Variants in VPS35L observed in about 807,000 individuals in gnomAD.
The protein encoded by VPS35L is VPS35 endosomal protein sorting factor like, also known as VPS35 endosomal protein-sorting factor-like.
In VPS35L, 83 loss-of-function variants were observed where a neutral mutation model predicts 133.0. The observed-to-expected ratio is 0.62, with a 90% CI of 0.52 to 0.75. The LOEUF (loss-of-function observed/expected upper bound fraction) is 0.75. Ranked by LOEUF, VPS35L falls within the 30% of genes least tolerant of loss-of-function variation. The pLI is 0.00. For missense variants in VPS35L, 1,083 were observed against 1,206.8 expected, an observed-to-expected ratio of 0.90 and a Z score of 1.52; for synonymous variants, 423 against 449.9, an observed-to-expected ratio of 0.94 and a Z score of 0.76.
chr16:19,667,313 C>T (rs1189917552), intron 26 of VPS35L, among the ~76,000 whole-genome samples: 2 of 152,050 alleles, frequency 1.3e-5, no homozygotes, highest in Non-Finnish European at 1.5e-5. Context: ...AGGCTCTGAC[C>T]CTTTCTGGAA....
At chr16:19,627,936 A>G in intron 16 of VPS35L, 131 bp downstream of exon 16, 2 of 713,338 alleles carry the variant, frequency 2.8e-6, no homozygotes, top group South Asian at 3.4e-5. Context: ...TTTCTGAGGA[A>G]CGCAATGGAA....
chr16:19,570,738 G>C (rs911329404), intron 3 of VPS35L, among the ~76,000 whole-genome samples: 5 of 150,854 alleles, frequency 3.3e-5, no homozygotes, highest in Admixed American at 1.3e-4. Context: ...CAGCCATGGA[G>C]GGATAGAGAT....
chr16:19,691,076 G>T (rs889719247), intron 28 of VPS35L, among the ~76,000 whole-genome samples: 10 of 152,192 alleles, frequency 6.6e-5, no homozygotes, highest in South Asian at 2.1e-4. Context: ...CTGTGATGAT[G>T]ATTATTATTA....
At chr16:19,609,851 C>T (rs779459106) in intron 11 of VPS35L, among the ~76,000 whole-genome samples, 5 of 152,108 alleles carry the variant, frequency 3.3e-5, no homozygotes, top group African/African-American at 9.7e-5. Flanking sequence ...GGAAGACATA[C>T]GTTGCAGGAG....
rs566973397 is a variant in VPS35L, at chr16:19,579,408, C to T, written c.510+280C>T. ...AACAGTGTCTAATGGTAAAAACCAA[C>T]TGCAAGGCCAGGCGCGGTGGCTCAC... On this transcript the variant is annotated intron_variant, in intron 6 of 30. Coordinates refer to ENST00000417362, the MANE Select transcript of VPS35L (RefSeq NM_020314.7). The T allele has an allele frequency of 9.5e-4, 301 of 316,462 alleles. 7 individuals carry two copies. The South Asian group carries it at 0.019, about 20-fold the overall frequency. 19.6% of individuals were successfully genotyped at this position (316,462 alleles called of 1,614,324 possible). A position where few individuals can be genotyped will look rare whatever the true frequency, so the allele number is the denominator to read the frequency against.
At chr16:19,636,150 T>C in intron 19 of VPS35L, among the ~76,000 whole-genome samples, 1 of 152,194 alleles carries the variant, frequency 6.6e-6, no homozygotes, top group South Asian at 2.1e-4. Context: ...CATGCCACAC[T>C]GCATGCCAGC....
intron 24 of VPS35L, 38 bp from the exon 25 acceptor site, chr16:19,650,344 T>A: frequency 6.6e-7 from 1 of 1,504,222 alleles, no homozygotes; most frequent in Non-Finnish European, 9.3e-7. Context: ...GAATCGGCCA[T>A]CGCTTCATTA....
intron 27 of VPS35L, 61 bp downstream of exon 27, chr16:19,669,360 A>G: frequency 1.3e-6 from 2 of 1,528,634 alleles, no homozygotes; most frequent in Admixed American, 1.9e-5. Context: ...ATAATATTAT[A>G]TGTGTTCTTA....
intron 1 of VPS35L, among the ~76,000 whole-genome samples, chr16:19,562,624 TA>T (rs1464170136): frequency 2.6e-5 from 4 of 152,168 alleles, no homozygotes; most frequent in African/African-American, 7.2e-5. Context: ...ATATGTGAGT[TA>T]AAAAAGATTT....
intron 4 of VPS35L, among the ~76,000 whole-genome samples, chr16:19,574,010 C>T (rs1304066947): frequency 6.6e-6 from 1 of 152,094 alleles, no homozygotes; most frequent in Non-Finnish European, 1.5e-5. Context: ...TCGAGGCTTA[C>T]CCTTCACTTG....
chr16:19,660,049 G>A (rs1462823077), intron 26 of VPS35L, among the ~76,000 whole-genome samples: 1 of 152,148 alleles, frequency 6.6e-6, no homozygotes, highest in Non-Finnish European at 1.5e-5. Context: ...TTTTTGGCCG[G>A]GCACGGTGGC....
chr16:19,594,080 C>A (rs904648996), intron 8 of VPS35L, among the ~76,000 whole-genome samples: 1 of 152,170 alleles, frequency 6.6e-6, no homozygotes, highest in Non-Finnish European at 1.5e-5. Flanking sequence ...TTCAGAATCC[C>A]ATCTTATTGG....
intron 3 of VPS35L, among the ~76,000 whole-genome samples, chr16:19,571,218 T>A (rs1382488002): frequency 6.6e-6 from 1 of 152,106 alleles, no homozygotes; most frequent in African/African-American, 2.4e-5. Flanking sequence ...GAACTGCTGT[T>A]TTGTGACTTG....
At chr16:19,591,965 T>A in intron 8 of VPS35L, 91 bp downstream of exon 8, 1 of 1,061,786 alleles carries the variant, frequency 9.4e-7, no homozygotes, top group South Asian at 1.3e-5. Context: ...TAGGTTCTGC[T>A]GTGGTTTAAG....
rs546812033 is a variant in VPS35L, at chr16:19,636,648, TTC to T, written c.1636-944_1636-943del. 2.6e-5 allele frequency among the ~76,000 whole-genome samples: 4 copies of T among 152,360 alleles called. No individual in the cohort carries two copies. The South Asian group carries it at 8.3e-4, about 32-fold the overall frequency. Reference sequence around the variant, plus strand: ...AAATGGGCACATAACGTTCTTCATGTTCTGTTTTTAGAACATGAGAGATTTTC... The same window carrying T: ...AAATGGGCACATAACGTTCTTCATGTTGTTTTTAGAACATGAGAGATTTTC... On this transcript the variant is annotated intron_variant, in intron 19 of 30. Coordinates refer to ENST00000417362, the MANE Select transcript of VPS35L (RefSeq NM_020314.7).
chr16:19,618,413 T>C lies in VPS35L; in HGVS notation c.1224+1605T>C, dbSNP rs538421516. 2.0e-5 allele frequency among the ~76,000 whole-genome samples: 3 copies of C among 152,188 alleles called. No homozygotes were observed. The East Asian group carries it at 5.8e-4, about 29-fold the overall frequency. ...ATTGGAGGCAAGCATCAGAGAGGACTGGTTATGGTATGTGCATTCAGTGGG... is the reference window on the plus strand; with the variant it reads ...ATTGGAGGCAAGCATCAGAGAGGACCGGTTATGGTATGTGCATTCAGTGGG... On this transcript the variant is annotated intron_variant, in intron 14 of 30. Transcript: ENST00000417362.
At chr16:19,660,102 A>C (rs1597404170) in intron 26 of VPS35L, among the ~76,000 whole-genome samples, 1 of 152,114 alleles carries the variant, frequency 6.6e-6, no homozygotes, top group African/African-American at 2.4e-5. Flanking sequence ...GAGACGGTGG[A>C]TCACTAGAGG....
intron 15 of VPS35L, among the ~76,000 whole-genome samples, chr16:19,627,330 A>C (rs1434710524): frequency 2.6e-5 from 4 of 152,050 alleles, no homozygotes; most frequent in Non-Finnish European, 5.9e-5. Flanking sequence ...CGATGTGGAT[A>C]TATATTTACA....
At chr16:19,698,960 A>G (rs1976013747) in intron 29 of VPS35L, among the ~76,000 whole-genome samples, 1 of 152,164 alleles carries the variant, frequency 6.6e-6, no homozygotes, top group Admixed American at 6.5e-5. Context: ...CTCACATCAG[A>G]TGATTGAGCA....
Sources: gnomAD v4.1 joint callset for allele counts (sites outside exome capture counted in the v4.1 genomes callset) on GRCh38, gnomAD v4.1.1 for gene constraint, MANE v1.5 for transcripts, NCBI Gene and HGNC (gene_info 2026-07-23, HGNC 2026-07-21) for gene names.